The following CRYBG3 variants were observed in gnomAD, a reference collection of about 807,000 sequenced individuals.
CRYBG3 encodes the protein very large A-kinase anchor protein.
A neutral mutation model predicts 244.2 loss-of-function variants in CRYBG3; 127 were observed. That is an observed-to-expected ratio of 0.52 (90% CI 0.45 to 0.60). The LOEUF is 0.60. Among genes scored for constraint, CRYBG3 ranks in the 20% least tolerant of loss-of-function variants. The pLI, the probability that CRYBG3 is intolerant of heterozygous loss-of-function variation, is 0.00. For missense variants in CRYBG3, 3,325 were observed against 3,442.5 expected, an observed-to-expected ratio of 0.97 and a Z score of 0.85; for synonymous variants, 1,132 against 1,195.8, an observed-to-expected ratio of 0.95 and a Z score of 1.10.
rs1320758394 is a variant in CRYBG3 at position 97,864,349 on chromosome 3, C to T, written c.349C>T (p.Pro117Ser). Residue 117 changes from proline to serine, a missense_variant, in exon 3 of 22, where the codon CCA (proline) becomes TCA (serine). By Grantham distance (74) the Pro-to-Ser change is moderately conservative. Coordinates refer to ENST00000389622, the MANE Select transcript of CRYBG3 (RefSeq NM_153605.4). ...DTKIGESDRQ[P>S]KESFFQFLGN... ...CAAAATAGGAGAAAGTGACAGACAGCCAAAAGAAAGCTTTTTTCAGTTTCT... is the reference window on the plus strand; with the variant it reads ...CAAAATAGGAGAAAGTGACAGACAGTCAAAAGAAAGCTTTTTTCAGTTTCT... The T allele has an allele frequency of 6.5e-7, 1 of 1,535,770 alleles. No homozygotes were observed. The highest frequency in any genetic ancestry group is 8.7e-7 in the Non-Finnish European group (1 of 1,146,750).
Position 97,873,117 on chromosome 3 carries a change from A to G in CRYBG3, c.1923A>G (p.Thr641=), listed in dbSNP as rs895626624. The G allele has an allele frequency of 1.0e-4, 155 of 1,535,494 alleles. No homozygotes were observed. The African/African-American group carries it at 1.8e-3, about 18-fold the overall frequency. The change falls in exon 4 of 22, where the codon ACA becomes ACG. Residue 641 remains threonine, a synonymous_variant. Transcript: ENST00000389622. ...CTGAAGTATCACCTGATGCTAAAAC[A>G]TCTCTTAGCCTTGACTGTAAAAAAC... is the stretch of plus-strand genomic sequence containing the variant. The part of the protein sequence containing the change: ...QQAEVSPDAK[T]SLSLDCKKLN...
chr3:97,893,070 A>C, intron 11 of CRYBG3, 77 bp downstream of exon 11: 1 of 1,296,466 alleles, frequency 7.7e-7, no homozygotes, highest in Non-Finnish European at 1.1e-6. Flanking sequence ...AAGCAAAGCA[A>C]AAATGATTTG....
chr3:97,880,997 A>T (rs1287688580), intron 6 of CRYBG3, 75 bp from the exon 7 acceptor site: 2 of 1,224,772 alleles, frequency 1.6e-6, no homozygotes, highest in Admixed American at 3.4e-5. Context: ...TAAGTAGACA[A>T]AATGGTCTGT....
chr3:97,917,308 G>A (rs1279865563), intron 17 of CRYBG3, among the ~76,000 whole-genome samples: 1 of 152,002 alleles, frequency 6.6e-6, no homozygotes, highest in Non-Finnish European at 1.5e-5. Context: ...TCCTGTTTTT[G>A]GTCCTAGTTT....
At chr3:97,845,343 AT>A (rs2038885391) in intron 2 of CRYBG3, among the ~76,000 whole-genome samples, 1 of 152,160 alleles carries the variant, frequency 6.6e-6, no homozygotes, top group Non-Finnish European at 1.5e-5. Context: ...ACAATTAGAG[AT>A]TATATTTTAT....
intron 17 of CRYBG3, among the ~76,000 whole-genome samples, chr3:97,928,964 T>C (rs1361161112): frequency 6.6e-6 from 1 of 152,082 alleles, no homozygotes; most frequent in Non-Finnish European, 1.5e-5. Flanking sequence ...TATGTTAGTT[T>C]CTACTGTTAT....
At chr3:97,936,578 C>T (rs749761752) in intron 18 of CRYBG3, among the ~76,000 whole-genome samples, 3 of 152,034 alleles carry the variant, frequency 2.0e-5, no homozygotes, top group Non-Finnish European at 4.4e-5. Flanking sequence ...AGGAAACCAG[C>T]ATTGTAACTG....
At chr3:97,933,644 C>T in intron 17 of CRYBG3, 50 bp from the exon 18 acceptor site, 1 of 1,590,824 alleles carries the variant, frequency 6.3e-7, no homozygotes, top group Non-Finnish European at 8.6e-7. Context: ...ACTGGGATGT[C>T]ACTGAGATAT....
intron 14 of CRYBG3, among the ~76,000 whole-genome samples, chr3:97,899,631 T>C (rs1171103026): frequency 6.6e-6 from 1 of 152,154 alleles, no homozygotes; most frequent in Non-Finnish European, 1.5e-5. Flanking sequence ...AAATGAAGTG[T>C]GTAGGCAGTG....
At chr3:97,848,264 G>T (rs1035167747) in intron 2 of CRYBG3, among the ~76,000 whole-genome samples, 1 of 152,096 alleles carries the variant, frequency 6.6e-6, no homozygotes, top group East Asian at 1.9e-4. Context: ...TTTAAAATAT[G>T]TATGGCTTTA....
Position 97,875,641 on chromosome 3 carries a change from A to G in CRYBG3, c.4447A>G (p.Asn1483Asp). ...VLNFKWPPLVNDDIHAPGTSK... is the reference protein window; with the variant it reads ...VLNFKWPPLVDDDIHAPGTSK... ...AAATTTCAAATGGCCTCCACTTGTGAATGATGACATCCATGCACCTGGTAC... is the reference window on the plus strand; with the variant it reads ...AAATTTCAAATGGCCTCCACTTGTGGATGATGACATCCATGCACCTGGTAC... The change falls in exon 4 of 22, where the codon AAT (asparagine) becomes GAT (aspartate). Residue 1483 changes from asparagine to aspartate, a missense_variant. Physicochemically the swap from Asn to Asp is conservative, Grantham distance 23. Transcript: ENST00000389622. 8.1e-7 allele frequency: 1 copy of G among 1,235,026 alleles called. No individual in the cohort carries two copies. Among genetic ancestry groups the G allele is most frequent in the Non-Finnish European group, 1.0e-6 (1 of 990,190 alleles). The allele number at this position is 1,235,026 out of a possible 1,614,324, so 76.5% of individuals were successfully genotyped here. A position where few individuals can be genotyped will look rare whatever the true frequency, so the allele number is the denominator to read the frequency against.
chr3:97,907,776 T>C (rs1349453550), intron 15 of CRYBG3, among the ~76,000 whole-genome samples: 1 of 151,962 alleles, frequency 6.6e-6, no homozygotes, highest in African/African-American at 2.4e-5. Flanking sequence ...AGTTATTTCT[T>C]GCCTTCTGCT....
intron 7 of CRYBG3, among the ~76,000 whole-genome samples, chr3:97,882,250 A>G (rs1256178075): frequency 1.3e-5 from 2 of 152,022 alleles, no homozygotes; most frequent in African/African-American, 4.8e-5. Flanking sequence ...GTATTACAGA[A>G]TACTCCTAAT....
intron 12 of CRYBG3, among the ~76,000 whole-genome samples, chr3:97,896,385 C>T (rs1217372082): frequency 6.6e-6 from 1 of 152,042 alleles, no homozygotes; most frequent in Non-Finnish European, 1.5e-5. Flanking sequence ...AGGAAGATAG[C>T]ACTTATATAA....
rs2039882268 is a variant in CRYBG3, at chr3:97,912,366, TC to T, written c.8114+92del. The T allele has an allele frequency of 7.1e-6, 4 of 564,876 alleles. No homozygotes were observed. The East Asian group carries it at 1.3e-4, about 19-fold the overall frequency. The allele number at this position is 564,876 out of a possible 1,614,324, so 35.0% of individuals were successfully genotyped here. On this transcript the variant is annotated intron_variant, in intron 16 of 21. Transcript: ENST00000389622. ...ATATATTTTTTGCATGCACAGTGAA[TC>T]CTTAAAATTTATCTTCAACAGGCAT... is the stretch of plus-strand genomic sequence containing the variant.
intron 17 of CRYBG3, among the ~76,000 whole-genome samples, chr3:97,916,856 A>G (rs2039934272): frequency 6.6e-6 from 1 of 152,112 alleles, no homozygotes; most frequent in African/African-American, 2.4e-5. Flanking sequence ...AGTGGCTACT[A>G]ATACTTCTTG....
intron 15 of CRYBG3, among the ~76,000 whole-genome samples, chr3:97,906,942 G>GT (rs1226559350): frequency 6.7e-6 from 1 of 148,996 alleles, no homozygotes. Context: ...TTTATTGAGA[G>GT]TTTTTAGCAT....
rs1445081700 is a variant in CRYBG3, at chr3:97,877,776, G to A, written c.6582G>A (p.Lys2194=). The A allele has an allele frequency of 6.2e-6, 10 of 1,613,974 alleles. No homozygotes were observed. The highest frequency in any genetic ancestry group is 4.2e-6 in the Non-Finnish European group (5 of 1,180,020). The change falls in exon 4 of 22, where the codon AAG becomes AAA. Residue 2194 remains lysine (K), a synonymous_variant. Coordinates refer to ENST00000389622, the MANE Select transcript of CRYBG3 (RefSeq NM_153605.4). ...PDDQESVGIS[K]NSYVMPNEPT... ...ACCAGGAGAGCGTTGGAATTTCTAA[G>A]AATTCATATGTGATGCCAAATGAAC...
At chr3:97,904,104 T>A (rs571027940) in intron 15 of CRYBG3, among the ~76,000 whole-genome samples, 37 of 152,204 alleles carry the variant, frequency 2.4e-4, no homozygotes, top group Non-Finnish European at 4.0e-4. Flanking sequence ...ACTGAATTTC[T>A]CCAAGGCTCT....
Sources: gnomAD v4.1 joint callset for allele counts (sites outside exome capture counted in the v4.1 genomes callset) on GRCh38, gnomAD v4.1.1 for gene constraint, MANE v1.5 for transcripts, NCBI Gene and HGNC (gene_info 2026-07-23, HGNC 2026-07-21) for gene names.